The following ADCY1 variants were observed in gnomAD, a reference collection of about 807,000 sequenced individuals.
The protein encoded by ADCY1 is adenylate cyclase type 1.
In ADCY1, 28 loss-of-function variants were observed where a neutral mutation model predicts 105.4. The observed-to-expected ratio is 0.27, with a 90% CI of 0.20 to 0.36. The LOEUF (loss-of-function observed/expected upper bound fraction) is 0.36. Ranked by LOEUF, ADCY1 falls within the 10% of genes least tolerant of loss-of-function variation. ADCY1 has a pLI of 1.00. For synonymous variants in ADCY1, 655 were observed against 623.8 expected (o/e 1.05, Z -0.75); for missense variants, 977 against 1,434.2 (o/e 0.68, Z 5.15).
intron 1 of ADCY1, among the ~76,000 whole-genome samples, chr7:45,577,633 T>G (rs1792389873): frequency 6.6e-6 from 1 of 152,218 alleles, no homozygotes; most frequent in African/African-American, 2.4e-5. Flanking sequence ...TTTGGGCAGG[T>G]AGTAGCCATG....
chr7:45,592,972 T>C, intron 2 of ADCY1, 64 bp downstream of exon 2: 2 of 1,592,396 alleles, frequency 1.3e-6, no homozygotes, highest in African/African-American at 1.3e-5. Context: ...TGGAAGAAGC[T>C]GGCTTCCTGA....
intron 4 of ADCY1, among the ~76,000 whole-genome samples, chr7:45,629,427 A>T (rs982394874): frequency 6.6e-6 from 1 of 152,218 alleles, no homozygotes; most frequent in Non-Finnish European, 1.5e-5. Flanking sequence ...ATTCATGTAC[A>T]AGTCTATGTA....
intron 14 of ADCY1, among the ~76,000 whole-genome samples, chr7:45,692,587 C>T (rs11767059): frequency 0.15 from 22,410 of 152,114 alleles, 2,135 homozygotes; most frequent in Non-Finnish European, 0.2. Flanking sequence ...ATGTCTGTCT[C>T]GTGAGATGCT....
At chr7:45,598,699 T>C (rs1224316510) in intron 2 of ADCY1, among the ~76,000 whole-genome samples, 1 of 152,202 alleles carries the variant, frequency 6.6e-6, no homozygotes, top group Non-Finnish European at 1.5e-5. Flanking sequence ...GATTCAGTAA[T>C]TTACAAGCTC....
At chr7:45,631,740 C>G (rs1794264273) in intron 4 of ADCY1, among the ~76,000 whole-genome samples, 1 of 152,228 alleles carries the variant, frequency 6.6e-6, no homozygotes, top group Non-Finnish European at 1.5e-5. Context: ...CTAAGGAAAA[C>G]TCACATGAGA....
intron 8 of ADCY1, among the ~76,000 whole-genome samples, chr7:45,666,699 C>T (rs1414900341): frequency 6.6e-6 from 1 of 152,214 alleles, no homozygotes; most frequent in African/African-American, 2.4e-5. Context: ...TGAGGAATCG[C>T]CACACTGTCT....
chr7:45,575,306 GGGT>G lies in ADCY1; in HGVS notation c.639+126_639+128del, dbSNP rs1792302071. 3 of 1,271,098 alleles carry G rather than the reference GGGT, an allele frequency of 2.4e-6. No individual in the cohort carries two copies. The African/African-American group carries it at 4.5e-5, about 19-fold the overall frequency. 78.7% of individuals were successfully genotyped at this position (1,271,098 alleles called of 1,614,324 possible). A position where few individuals can be genotyped will look rare whatever the true frequency, so the allele number is the denominator to read the frequency against. ...GTGGGGACACTGAGGCTCCGAGTGGGGGTGTGTTCAAGGTCACTCCTACGAGTT... is the reference window on the plus strand; with the variant it reads ...GTGGGGACACTGAGGCTCCGAGTGGGGTGTTCAAGGTCACTCCTACGAGTT... On this transcript the variant is annotated intron_variant, in intron 1 of 19. Coordinates refer to ENST00000297323, the MANE Select transcript of ADCY1 (RefSeq NM_021116.4). The surrounding 1 kb of genome is among the most constrained non-coding windows in gnomAD (Gnocchi z 4.7).
Position 45,591,811 on chromosome 7 carries a change from C to T in ADCY1, c.640-948C>T, listed in dbSNP as rs745940009. Among the ~76,000 whole-genome samples, 4 of 152,176 alleles carry T rather than the reference C, an allele frequency of 2.6e-5. No individual in the cohort carries two copies. The highest frequency in any genetic ancestry group is 5.9e-5 in the Non-Finnish European group (4 of 68,024). ...GTGATTGTGGAGGGGAACCCTGGGT[C>T]AGGCTGGCCCCAGGTGCCTGATGCC... On this transcript the variant is annotated intron_variant, in intron 1 of 19. Coordinates refer to ENST00000297323, the MANE Select transcript of ADCY1 (RefSeq NM_021116.4). This position sits in a 1 kb window ranked among gnomAD's most constrained non-coding sequence, Gnocchi z 4.1.
chr7:45,646,091 C>T lies in ADCY1; in HGVS notation c.1021-2579C>T, dbSNP rs117528555. Among the ~76,000 whole-genome samples the T allele has an allele frequency of 5.5e-3, 829 of 152,056 alleles. 6 individuals are homozygous for T. The highest frequency in any genetic ancestry group is 0.018 in the African/African-American group (764 of 41,492). On this transcript the variant is annotated intron_variant, in intron 4 of 19. Transcript: ENST00000297323. ...CTGTGCATTCAGGCCTGTGTCTGAC[C>T]GTTGGGGACATTTGGGGGATGTTTG... is the stretch of plus-strand genomic sequence containing the variant.
intron 10 of ADCY1, 77 bp downstream of exon 10, chr7:45,678,340 G>C (rs1784500224): frequency 7.2e-7 from 1 of 1,398,216 alleles, no homozygotes; most frequent in Non-Finnish European, 1.0e-6. Flanking sequence ...TGTTTCTGGG[G>C]TTCGTGGTTG....
chr7:45,687,997 A>G (rs180867747), intron 14 of ADCY1, among the ~76,000 whole-genome samples: 1 of 152,210 alleles, frequency 6.6e-6, no homozygotes, highest in African/African-American at 2.4e-5. Context: ...ACCAGCTGAG[A>G]GCTCACTGTG....
At position 45,589,691 on chromosome 7, in the gene ADCY1, C is replaced by T. The variant is rs137958610; in HGVS notation, c.640-3068C>T. Among the ~76,000 whole-genome samples, 4 of 152,200 alleles carry T rather than the reference C, an allele frequency of 2.6e-5. No individual in the cohort carries two copies. The East Asian group carries it at 5.8e-4, about 22-fold the overall frequency. On this transcript the variant is annotated intron_variant, in intron 1 of 19. Transcript: ENST00000297323. ...GCGTGGGTGTCTCGGCGGGTGAGCC[C>T]TGTGCTCATGGGCAGGTGTGGGGCA... is the stretch of plus-strand genomic sequence containing the variant.
At chr7:45,687,636 G>A (rs1444759558) in intron 14 of ADCY1, among the ~76,000 whole-genome samples, 1 of 152,246 alleles carries the variant, frequency 6.6e-6, no homozygotes, top group Non-Finnish European at 1.5e-5. Context: ...TTCTTATTTT[G>A]ACACCTTAAG....
rs35387539 is a variant in ADCY1, at chr7:45,634,425, G to GT, written c.1020+11698dup. 6.2e-3 allele frequency among the ~76,000 whole-genome samples: 851 copies of GT among 136,634 alleles called. 1 individual carries two copies. Among genetic ancestry groups the GT allele is most frequent in the East Asian group, 0.027 (128 of 4,768 alleles). 89.6% of individuals were successfully genotyped at this position (136,634 alleles called of 152,430 possible). On this transcript the variant is annotated intron_variant, in intron 4 of 19. Coordinates refer to ENST00000297323, the MANE Select transcript of ADCY1 (RefSeq NM_021116.4). ...TTTCCTTTTATTTCTAGTTTGCTGA[G>GT]TTTTTTTTTTTTTTTTGATTCAGAA...
At chr7:45,693,077 G>C (rs1464776672) in intron 14 of ADCY1, among the ~76,000 whole-genome samples, 1 of 152,204 alleles carries the variant, frequency 6.6e-6, no homozygotes, top group Non-Finnish European at 1.5e-5. Flanking sequence ...TATAATTATA[G>C]TTGGAGTTTC....
At chr7:45,648,995 G>A (rs1794743472) in intron 5 of ADCY1, among the ~76,000 whole-genome samples, 198 bp downstream of exon 5, 2 of 152,178 alleles carry the variant, frequency 1.3e-5, no homozygotes, top group South Asian at 4.1e-4. Context: ...GGATGCTTCC[G>A]TGATTCCCTG....
At chr7:45,577,718 C>T (rs1184065161) in intron 1 of ADCY1, among the ~76,000 whole-genome samples, 2 of 152,172 alleles carry the variant, frequency 1.3e-5, no homozygotes, top group African/African-American at 4.8e-5. Flanking sequence ...CAGGGGATTT[C>T]CCTCACTGCA....
At chr7:45,641,106 G>C (rs779148552) in intron 4 of ADCY1, among the ~76,000 whole-genome samples, 1 of 152,188 alleles carries the variant, frequency 6.6e-6, no homozygotes, top group Non-Finnish European at 1.5e-5. Flanking sequence ...AGGAGACAGA[G>C]CTGTCCCTGT....
intron 7 of ADCY1, 82 bp from the exon 8 acceptor site, chr7:45,661,977 T>A: frequency 6.6e-7 from 1 of 1,518,944 alleles, no homozygotes. Context: ...TGGCTGTGTT[T>A]GTCAGGATGG....
Sources: gnomAD v4.1 joint callset for allele counts (sites outside exome capture counted in the v4.1 genomes callset) on GRCh38, gnomAD v4.1.1 for gene constraint, Gnocchi (gnomAD v3.1) non-coding constraint, MANE v1.5 for transcripts, NCBI Gene and HGNC (gene_info 2026-07-23, HGNC 2026-07-21) for gene names.